ARHGAP15: variants seen among roughly 807,000 people sequenced by gnomAD.
ARHGAP15 encodes rho GTPase-activating protein 15.
In ARHGAP15, 51 loss-of-function variants were observed where a neutral mutation model predicts 63.7. The ratio of observed to expected loss-of-function variants is 0.80; its 90% CI spans 0.64 to 1.01. The LOEUF is 1.01. Ranked by LOEUF, ARHGAP15 falls within the 50% of genes least tolerant of loss-of-function variation. ARHGAP15 has a pLI of 0.00. For missense variants in ARHGAP15, 560 were observed against 564.6 expected, an observed-to-expected ratio of 0.99 and a Z score of 0.08; for synonymous variants, 191 against 193.8, an observed-to-expected ratio of 0.99 and a Z score of 0.12.
At chr2:143,229,591 C>G (rs115418841) in intron 5 of ARHGAP15, among the ~76,000 whole-genome samples, 4 of 152,082 alleles carry the variant, frequency 2.6e-5, no homozygotes, top group Non-Finnish European at 5.9e-5. Context: ...GGAAGGACTC[C>G]GGGCAGGAAC....
chr2:143,579,080 C>G (rs924652754), intron 11 of ARHGAP15, among the ~76,000 whole-genome samples: 6 of 152,078 alleles, frequency 3.9e-5, no homozygotes, highest in Admixed American at 2.6e-4. Flanking sequence ...CAGAAATACT[C>G]AAAATGCCAC....
chr2:143,377,508 C>T (rs1574357906), intron 6 of ARHGAP15, among the ~76,000 whole-genome samples: 1 of 151,914 alleles, frequency 6.6e-6, no homozygotes, highest in East Asian at 1.9e-4. Flanking sequence ...TTTACCTTTA[C>T]ATATACATTG....
At position 143,146,911 on chromosome 2, in the gene ARHGAP15, G is replaced by C. The variant is rs16858642; in HGVS notation, c.-14-8566G>C. Among the ~76,000 whole-genome samples, 1,113 of 152,116 alleles carry C rather than the reference G, an allele frequency of 7.3e-3. 12 individuals carry two copies. Among genetic ancestry groups the C allele is most frequent in the African/African-American group, 0.026 (1,079 of 41,520 alleles). Reference sequence around the variant, plus strand: ...AAACAAATGTCAACCATATCTGACTGTTGTCAATTACTGATTACTGTTAAT... The same window carrying C: ...AAACAAATGTCAACCATATCTGACTCTTGTCAATTACTGATTACTGTTAAT... On this transcript the variant is annotated intron_variant, in intron 1 of 13. Transcript: ENST00000295095.
intron 6 of ARHGAP15, among the ~76,000 whole-genome samples, chr2:143,428,638 C>T (rs562782529): frequency 6.6e-6 from 1 of 152,052 alleles, no homozygotes; most frequent in Non-Finnish European, 1.5e-5. Flanking sequence ...AAACTGTAAA[C>T]ATACATAATG....
At chr2:143,246,665 G>A (rs1394829462) in intron 5 of ARHGAP15, among the ~76,000 whole-genome samples, 1 of 151,982 alleles carries the variant, frequency 6.6e-6, no homozygotes, top group South Asian at 2.1e-4. Flanking sequence ...CCTTGGAGGA[G>A]AGGGCAGGTG....
intron 10 of ARHGAP15, among the ~76,000 whole-genome samples, chr2:143,541,137 T>G (rs997525551): frequency 6.6e-6 from 1 of 152,222 alleles, no homozygotes; most frequent in African/African-American, 2.4e-5. Flanking sequence ...TCATCTTCCA[T>G]CGCTGATACC....
chr2:143,516,696 A>T (rs532017657), intron 9 of ARHGAP15, among the ~76,000 whole-genome samples: 1 of 152,296 alleles, frequency 6.6e-6, no homozygotes. Context: ...TCCTGACTGT[A>T]ATCTCCAGAC....
At chr2:143,165,960 G>GAAAGAAAGAA (rs1690489336) in intron 2 of ARHGAP15, among the ~76,000 whole-genome samples, 10 of 93,594 alleles carry the variant, frequency 1.1e-4, no homozygotes, top group African/African-American at 4.4e-4. Flanking sequence ...GAAAGAAAGA[G>GAAAGAAAGAA]AGAAAGAAAG....
intron 13 of ARHGAP15, among the ~76,000 whole-genome samples, chr2:143,743,470 G>A (rs1686037521): frequency 1.3e-5 from 2 of 152,046 alleles, no homozygotes; most frequent in Admixed American, 1.3e-4. Context: ...CAGTCTCCAT[G>A]TGGTTCCCGC....
intron 13 of ARHGAP15, among the ~76,000 whole-genome samples, chr2:143,722,555 A>T (rs1234655508): frequency 3.3e-5 from 5 of 152,228 alleles, no homozygotes; most frequent in Admixed American, 2.0e-4. Context: ...GTGCAATCGG[A>T]AGTCTAAGGT....
At chr2:143,351,366 A>G (rs1685563683) in intron 6 of ARHGAP15, 1 of 152,240 alleles carries the variant, frequency 6.6e-6, no homozygotes, top group Admixed American at 6.5e-5. Flanking sequence ...TTGTCCAGCA[A>G]ATAACTGAAG....
At chr2:143,660,132 T>C (rs184735525) in intron 12 of ARHGAP15, among the ~76,000 whole-genome samples, 45 of 152,346 alleles carry the variant, frequency 3.0e-4, no homozygotes, top group Non-Finnish European at 4.4e-4. Flanking sequence ...GGGTCCTTCA[T>C]CCCTTCCATG....
chr2:143,301,075 A>G (rs1231891442), intron 6 of ARHGAP15, among the ~76,000 whole-genome samples: 1 of 151,842 alleles, frequency 6.6e-6, no homozygotes, highest in African/African-American at 2.4e-5. Flanking sequence ...TGGTGACTGT[A>G]TTTTGGCTAA....
chr2:143,329,040 T>G (rs10177442), intron 6 of ARHGAP15, among the ~76,000 whole-genome samples: 152,313 of 152,340 alleles, frequency 1, 76,143 homozygotes, highest in Middle Eastern at 1. Context: ...TATTCTCTAA[T>G]GTTCTCCTTG....
At chr2:143,403,416 A>G (rs1688069209) in intron 6 of ARHGAP15, among the ~76,000 whole-genome samples, 1 of 151,828 alleles carries the variant, frequency 6.6e-6, no homozygotes, top group Admixed American at 6.6e-5. Flanking sequence ...TTCAAACTCC[A>G]TCAACTCAAT....
intron 13 of ARHGAP15, among the ~76,000 whole-genome samples, chr2:143,765,598 G>A (rs1272751022): frequency 6.6e-6 from 1 of 152,136 alleles, no homozygotes; most frequent in Non-Finnish European, 1.5e-5. Context: ...AAATTTGAGT[G>A]ATTTTGGCCA....
At chr2:143,580,639 G>A (rs1042939093) in intron 11 of ARHGAP15, among the ~76,000 whole-genome samples, 91 of 151,286 alleles carry the variant, frequency 6.0e-4, no homozygotes, top group African/African-American at 1.4e-3. Flanking sequence ...TTTAATATGC[G>A]TTTTATCACA....
chr2:143,301,120 T>C (rs1682875619), intron 6 of ARHGAP15, among the ~76,000 whole-genome samples: 1 of 151,896 alleles, frequency 6.6e-6, no homozygotes. Flanking sequence ...GAGGCAAATA[T>C]GAATGAGATG....
intron 6 of ARHGAP15, among the ~76,000 whole-genome samples, chr2:143,402,798 A>AT (rs1688039563): frequency 6.6e-6 from 1 of 151,852 alleles, no homozygotes; most frequent in Non-Finnish European, 1.5e-5. Flanking sequence ...CCTGGCATCT[A>AT]ATAGAGTAGA....
Sources: gnomAD v4.1 joint callset for allele counts (sites outside exome capture counted in the v4.1 genomes callset) on GRCh38, gnomAD v4.1.1 for gene constraint, MANE v1.5 for transcripts, NCBI Gene and HGNC (gene_info 2026-07-23, HGNC 2026-07-21) for gene names.